RORA: variants seen among roughly 807,000 people sequenced by gnomAD.
RORA encodes RAR related orphan receptor A, also known as nuclear receptor ROR-alpha.
RORA carries 7 observed loss-of-function variants against 69.5 expected under a neutral mutation model. The ratio of observed to expected loss-of-function variants is 0.10; its 90% CI spans 0.06 to 0.19. RORA has a LOEUF of 0.19. RORA is among the 10% of genes least tolerant of loss of function. The pLI, the probability that RORA is intolerant of heterozygous loss-of-function variation, is 1.00. For missense variants in RORA, 457 were observed against 663.0 expected (o/e 0.69, Z 3.41); for synonymous variants, 261 against 240.8 (o/e 1.08, Z -0.78).
chr15:60,753,968 C>T (rs886640861), intron 1 of RORA, among the ~76,000 whole-genome samples: 3 of 152,242 alleles, frequency 2.0e-5, no homozygotes, highest in African/African-American at 7.2e-5. Context: ...CATTAAGCAA[C>T]TGGCCAAGGC....
chr15:60,552,229 C>T (rs2140393896), intron 2 of RORA, among the ~76,000 whole-genome samples: 1 of 152,306 alleles, frequency 6.6e-6, no homozygotes, highest in African/African-American at 2.4e-5. Context: ...ACATTTTCCT[C>T]AGTCTCCGTC....
intron 2 of RORA, among the ~76,000 whole-genome samples, chr15:60,634,550 G>A (rs1340270299): frequency 1.3e-5 from 2 of 151,802 alleles, no homozygotes; most frequent in African/African-American, 2.4e-5. Flanking sequence ...GACTACAGGC[G>A]CCCGCCACCA....
intron 1 of RORA, among the ~76,000 whole-genome samples, chr15:61,078,107 T>A (rs2078479768): frequency 6.6e-6 from 1 of 152,218 alleles, no homozygotes; most frequent in Non-Finnish European, 1.5e-5. Context: ...CTGGTAGTAA[T>A]TAACATCTAT....
At chr15:60,542,506 AT>A (rs1416243299) in intron 2 of RORA, among the ~76,000 whole-genome samples, 5 of 124,980 alleles carry the variant, frequency 4.0e-5, no homozygotes, top group African/African-American at 1.8e-4. Context: ...ACACAGGCAC[AT>A]CTCACACATG....
intron 4 of RORA, among the ~76,000 whole-genome samples, chr15:60,513,293 C>A (rs1300708079): frequency 6.6e-6 from 1 of 152,140 alleles, no homozygotes; most frequent in Non-Finnish European, 1.5e-5. Context: ...CTTTCTATGC[C>A]TACAACAACT....
At chr15:60,986,989 C>A (rs978429181) in intron 1 of RORA, among the ~76,000 whole-genome samples, 4 of 152,216 alleles carry the variant, frequency 2.6e-5, no homozygotes, top group Non-Finnish European at 4.4e-5. Context: ...CTGTCCTCCA[C>A]TCAAAGCACT....
At chr15:61,188,335 C>T (rs1225785942) in intron 1 of RORA, among the ~76,000 whole-genome samples, 3 of 152,156 alleles carry the variant, frequency 2.0e-5, no homozygotes, top group Non-Finnish European at 4.4e-5. Context: ...TGGCTGTGTT[C>T]GAATAAAACT....
chr15:60,540,367 C>T (rs1221870776), intron 2 of RORA, among the ~76,000 whole-genome samples: 1 of 152,108 alleles, frequency 6.6e-6, no homozygotes, highest in Non-Finnish European at 1.5e-5. Context: ...TTCTGCTCAA[C>T]CGAAAACATC....
At chr15:61,047,707 T>C (rs1034580965) in intron 1 of RORA, among the ~76,000 whole-genome samples, 2 of 152,244 alleles carry the variant, frequency 1.3e-5, no homozygotes, top group African/African-American at 2.4e-5. Context: ...TTCCCCTTTT[T>C]TGGCATCTGA....
At chr15:61,132,157 G>A (rs900776479) in intron 1 of RORA, among the ~76,000 whole-genome samples, 4 of 152,198 alleles carry the variant, frequency 2.6e-5, no homozygotes, top group Non-Finnish European at 4.4e-5. Flanking sequence ...TGAAATGCAT[G>A]TAATCTAGGG....
rs142553395 is a variant in RORA at position 61,141,592 on chromosome 15, C to T, written c.166+87461G>A. ...AACCTCAGAAAGACTTTAGAAAAGG[C>T]GTCAACAGCTTCAGAGATACAAGAC... On this transcript the variant is annotated intron_variant, in intron 1 of 10. Transcript: ENST00000335670. 8.3e-3 allele frequency among the ~76,000 whole-genome samples: 1,266 copies of T among 152,260 alleles called. 9 individuals are homozygous for T. Among genetic ancestry groups the T allele is most frequent in the Admixed American group, 0.014 (216 of 15,292 alleles).
intron 1 of RORA, among the ~76,000 whole-genome samples, chr15:61,037,602 C>T (rs970851909): frequency 6.6e-6 from 1 of 152,202 alleles, no homozygotes; most frequent in Non-Finnish European, 1.5e-5. Context: ...AAGAGATGAC[C>T]TTGGAATGCA....
intron 1 of RORA, among the ~76,000 whole-genome samples, chr15:61,198,610 G>A (rs1187668295): frequency 5.9e-5 from 7 of 119,620 alleles, no homozygotes; most frequent in Admixed American, 4.5e-4. Flanking sequence ...ATTCTAAAAC[G>A]ATATTTCTTT....
intron 1 of RORA, among the ~76,000 whole-genome samples, chr15:61,094,170 TA>T (rs1475165413): frequency 1.3e-5 from 2 of 152,144 alleles, no homozygotes; most frequent in Non-Finnish European, 2.9e-5. Context: ...ATTCCTGGGG[TA>T]ACTACTCCTT....
intron 1 of RORA, among the ~76,000 whole-genome samples, chr15:60,991,177 G>A (rs919098684): frequency 6.6e-6 from 1 of 152,168 alleles, no homozygotes; most frequent in Non-Finnish European, 1.5e-5. Flanking sequence ...CTCAGAACCA[G>A]GTGGCAAGAG....
chr15:61,095,637 T>G (rs2078778106), intron 1 of RORA, among the ~76,000 whole-genome samples: 3 of 152,230 alleles, frequency 2.0e-5, no homozygotes, highest in South Asian at 4.1e-4. Flanking sequence ...ACTAGAGGTT[T>G]TGAGCACTTT....
At chr15:60,832,290 T>C (rs1227343880) in intron 1 of RORA, among the ~76,000 whole-genome samples, 1 of 152,054 alleles carries the variant, frequency 6.6e-6, no homozygotes, top group East Asian at 1.9e-4. Flanking sequence ...ACCCCTCCAG[T>C]TTGCCAGGAA....
At chr15:61,044,686 A>G (rs1046797111) in intron 1 of RORA, among the ~76,000 whole-genome samples, 5 of 152,312 alleles carry the variant, frequency 3.3e-5, no homozygotes, top group African/African-American at 7.2e-5. Flanking sequence ...TATATACGCT[A>G]TATTTCCACT....
intron 1 of RORA, among the ~76,000 whole-genome samples, chr15:60,776,342 T>C (rs905062239): frequency 3.9e-5 from 6 of 152,166 alleles, no homozygotes; most frequent in African/African-American, 1.4e-4. Context: ...GATGGCTAGG[T>C]AATCTGGCAA....
Sources: allele counts gnomAD v4.1 joint callset (sites outside exome capture counted in the v4.1 genomes callset), GRCh38; gene constraint gnomAD v4.1.1; transcripts MANE v1.5; gene names NCBI Gene and HGNC (gene_info 2026-07-23, HGNC 2026-07-21).